LRRC9: variants seen among roughly 807,000 people sequenced by gnomAD.
The protein encoded by LRRC9 is leucine rich repeat containing 9.
Under a neutral mutation model 63.2 loss-of-function variants are expected in LRRC9, and 122 were observed. That is an observed-to-expected ratio of 1.93 (90% CI 1.67 to 2.24). The LOEUF (loss-of-function observed/expected upper bound fraction) is 2.24. LRRC9 is among the 30% of genes most tolerant of loss of function. The pLI is 0.00. For synonymous variants in LRRC9, 366 were observed against 213.1 expected, an observed-to-expected ratio of 1.72 and a Z score of -6.25; for missense variants, 1,071 against 627.7, an observed-to-expected ratio of 1.71 and a Z score of -7.55.
At chr14:60,024,140 T>A (rs982313792) in intron 27 of LRRC9, among the ~76,000 whole-genome samples, 1 of 152,160 alleles carries the variant, frequency 6.6e-6, no homozygotes, top group Non-Finnish European at 1.5e-5. Flanking sequence ...GAATGATTTA[T>A]AATCCTTTGG....
chr14:59,990,917 G>A lies in LRRC9; in HGVS notation c.2211+5693G>A, dbSNP rs1352154225. On this transcript the variant is annotated intron_variant, in intron 17 of 31. Transcript: ENST00000445360. This position sits in a 1 kb window ranked among gnomAD's most constrained non-coding sequence, Gnocchi z 4.2. ...ATGAATACCATGCAGGTCTTGTGTT[G>A]ATGGTGGTTTATCTCTACCAACTTC... 6.6e-6 allele frequency among the ~76,000 whole-genome samples: 1 copy of A among 152,198 alleles called. No homozygotes were observed. Among genetic ancestry groups the A allele is most frequent in the Non-Finnish European group, 1.5e-5 (1 of 68,042 alleles).
rs1462657666 is a variant in LRRC9, at chr14:60,027,484, C to T, written c.3704-400C>T. Among the ~76,000 whole-genome samples the T allele has an allele frequency of 6.6e-6, 1 of 151,928 alleles. No individual in the cohort carries two copies. The highest frequency in any genetic ancestry group is 2.4e-5 in the African/African-American group (1 of 41,394). Reference sequence around the variant, plus strand: ...TTCTAACATAATACAACAAATTAGTCTATTTTAAGAAATAATTAAATATAC... The same window carrying T: ...TTCTAACATAATACAACAAATTAGTTTATTTTAAGAAATAATTAAATATAC... On this transcript the variant is annotated intron_variant, in intron 27 of 31. Transcript: ENST00000445360. This position sits in a 1 kb window ranked among gnomAD's most constrained non-coding sequence, Gnocchi z 4.0.
At chr14:60,035,923 A>AT (rs1193117344) in intron 29 of LRRC9, among the ~76,000 whole-genome samples, 1 of 149,138 alleles carries the variant, frequency 6.7e-6, no homozygotes, top group East Asian at 2.0e-4. Context: ...TAGTATTGTC[A>AT]TTTTTTTTAA....
intron 1 of LRRC9, among the ~76,000 whole-genome samples, chr14:59,924,899 CTT>C (rs767345497): frequency 2.1e-5 from 3 of 142,696 alleles, no homozygotes; most frequent in African/African-American, 2.6e-5. Flanking sequence ...CCCATCCCAG[CTT>C]TTTTTTTTTT....
In LRRC9 at chr14:59,977,301, C is replaced by G. The variant is rs1191763665; in HGVS notation, c.1716C>G (p.Asn572Lys). 1.3e-5 allele frequency: 9 copies of G among 700,524 alleles called. No individual in the cohort carries two copies. In the Admixed American group the frequency reaches 1.8e-4, roughly 14 times the overall value. 43.4% of individuals were successfully genotyped at this position (700,524 alleles called of 1,614,324 possible). A position where few individuals can be genotyped will look rare whatever the true frequency, so the allele number is the denominator to read the frequency against. ...AAAAAGAATCCATCAGTCAATCCAA[C>G]TATCCAATGGTTAATTCAGTGTTCA... The change falls in exon 14 of 32, where the codon AAC becomes AAG. Residue 572 changes from asparagine (N) to lysine (K), a missense_variant. Asn to Lys is a moderately conservative substitution (Grantham distance 94). Coordinates refer to ENST00000445360, the Ensembl canonical transcript of LRRC9.
rs1882383592 is a variant in LRRC9 at position 59,946,298 on chromosome 14, TAATTAA to T, written c.882+1567_882+1572del. Among the ~76,000 whole-genome samples, 3 of 150,722 alleles carry T rather than the reference TAATTAA, an allele frequency of 2.0e-5. No individual in the cohort carries two copies. The South Asian group carries it at 6.2e-4, about 31-fold the overall frequency. ...CTTAAAGTAAAACATTAATAAAATT[TAATTAA>T]AATTAAAATTAATAATAAAAAAGAT... On this transcript the variant is annotated intron_variant, in intron 8 of 31. Transcript: ENST00000445360.
rs1881820715 is a variant in LRRC9, at chr14:59,942,019, C to A, written c.727-2570C>A. On this transcript the variant is annotated intron_variant, in intron 7 of 31. Coordinates refer to ENST00000445360, the Ensembl canonical transcript of LRRC9. The surrounding 1 kb of genome is among the most constrained non-coding windows in gnomAD (Gnocchi z 5.3). ...ATTCTACTCTGTACTTCCATGAGCT[C>A]AAAAAATGTTTTTAGTTCTCATACG... Among the ~76,000 whole-genome samples the A allele has an allele frequency of 6.6e-6, 1 of 152,048 alleles. No individual in the cohort carries two copies. Among genetic ancestry groups the A allele is most frequent in the Admixed American group, 6.6e-5 (1 of 15,260 alleles).
Position 59,930,932 on chromosome 14 carries a change from T to C in LRRC9, c.282T>C (p.Leu94=), listed in dbSNP as rs1889648910. 2.3e-5 allele frequency: 10 copies of C among 439,768 alleles called. No individual in the cohort carries two copies. The East Asian group carries it at 3.7e-4, about 16-fold the overall frequency. 27.2% of individuals were successfully genotyped at this position (439,768 alleles called of 1,614,324 possible). ...TTCTTTTACAGAAAATTGAAGGTCT[T>C]CAAGAATGTAGAAATTTGGAAAAAC... Residue 94 remains leucine (L), a synonymous_variant, in exon 4 of 32, where the codon CTT becomes CTC. Coordinates refer to ENST00000445360, the Ensembl canonical transcript of LRRC9. This position sits in a 1 kb window ranked among gnomAD's most constrained non-coding sequence, Gnocchi z 4.9.
At chr14:59,929,823 A>G (rs1774594080) in intron 3 of LRRC9, among the ~76,000 whole-genome samples, 1 of 152,088 alleles carries the variant, frequency 6.6e-6, no homozygotes. Flanking sequence ...CTAACCCAGG[A>G]ACAGAAAAGC....
intron 29 of LRRC9, among the ~76,000 whole-genome samples, chr14:60,046,702 A>C (rs1051721840): frequency 6.6e-6 from 1 of 152,212 alleles, no homozygotes; most frequent in Admixed American, 6.5e-5. Context: ...GAGGTCAAGT[A>C]GCATGATGCC....
At chr14:60,011,551 G>A (rs1010375643) in intron 23 of LRRC9, among the ~76,000 whole-genome samples, 5 of 152,266 alleles carry the variant, frequency 3.3e-5, no homozygotes, top group South Asian at 4.1e-4. Context: ...CCTAGTGAGC[G>A]TGATTTTCAC....
chr14:59,939,397 G>C (rs1376093462), intron 7 of LRRC9, among the ~76,000 whole-genome samples: 1 of 151,814 alleles, frequency 6.6e-6, no homozygotes, highest in Non-Finnish European at 1.5e-5. Flanking sequence ...AGGAAGATGG[G>C]GTCCACTGGA....
chr14:59,973,588 C>T (rs1031142233), intron 12 of LRRC9: 6 of 152,072 alleles, frequency 3.9e-5, no homozygotes, highest in Non-Finnish European at 7.4e-5. Flanking sequence ...CTTGTGTACT[C>T]TAAAACTCCT....
At chr14:59,988,700 C>CG (rs2140135108) in intron 17 of LRRC9, among the ~76,000 whole-genome samples, 1 of 151,990 alleles carries the variant, frequency 6.6e-6, no homozygotes, top group African/African-American at 2.4e-5. Flanking sequence ...ATATTGTCAC[C>CG]GCATGTAGCC....
intron 15 of LRRC9, among the ~76,000 whole-genome samples, chr14:59,979,414 C>T (rs749265546): frequency 2.0e-5 from 3 of 152,056 alleles, no homozygotes; most frequent in Non-Finnish European, 4.4e-5. Context: ...GTCAGGGGAT[C>T]GAGACCATCC....
At chr14:60,014,445 G>GAAAC (rs1566876889) in intron 23 of LRRC9, among the ~76,000 whole-genome samples, 1 of 151,144 alleles carries the variant, frequency 6.6e-6, no homozygotes, top group Non-Finnish European at 1.5e-5. Context: ...AGTTCTGCTG[G>GAAAC]TAACAGTTTG....
chr14:60,045,862 A>T (rs1289345055), intron 29 of LRRC9, among the ~76,000 whole-genome samples: 1 of 152,130 alleles, frequency 6.6e-6, no homozygotes, highest in African/African-American at 2.4e-5. Context: ...TGTCTTCCAC[A>T]ATGTTGGAAC....
At position 60,006,727 on chromosome 14, in the gene LRRC9, AAAT is replaced by A. The variant is rs1595007533; in HGVS notation, c.3063+113_3063+115del. The A allele has an allele frequency of 5.6e-5, 30 of 531,140 alleles. No homozygotes were observed. In the East Asian group the frequency reaches 8.6e-4, roughly 15 times the overall value. The allele number at this position is 531,140 out of a possible 1,614,324, so 32.9% of individuals were successfully genotyped here. On this transcript the variant is annotated intron_variant, in intron 22 of 31. Transcript: ENST00000445360. ...AATTTGGAAAATATAAAGAAAATAA[AAAT>A]AAGAATAACAAGTTTATTAAAATGT...
chr14:60,064,098 T>C (rs965295425), downstream of LRRC9, among the ~76,000 whole-genome samples: 6 of 152,176 alleles, frequency 3.9e-5, no homozygotes, highest in African/African-American at 1.4e-4. Context: ...AGTTTACAAG[T>C]AGTTTCAGGC....
Sources: gnomAD v4.1 joint callset for allele counts (sites outside exome capture counted in the v4.1 genomes callset) on GRCh38, gnomAD v4.1.1 for gene constraint, Gnocchi (gnomAD v3.1) non-coding constraint, MANE v1.5 for transcripts, NCBI Gene and HGNC (gene_info 2026-07-23, HGNC 2026-07-21) for gene names.